Variants in CHCHD6 observed in about 807,000 individuals in gnomAD.
CHCHD6 encodes the protein coiled-coil-helix-coiled-coil-helix domain containing 6, also known as MICOS complex subunit MIC25.
CHCHD6 carries 28 observed loss-of-function variants against 32.3 expected under a neutral mutation model. The ratio of observed to expected loss-of-function variants is 0.87; its 90% confidence interval spans 0.64 to 1.19. The LOEUF is 1.19. Among genes scored for constraint, CHCHD6 ranks in the 50% most tolerant of loss-of-function variants. The pLI is 0.00. For missense variants in CHCHD6, 333 were observed against 307.0 expected (o/e 1.08, Z -0.63); for synonymous variants, 122 against 117.5 (o/e 1.04, Z -0.25).
chr3:126,865,577 C>T (rs1246213289), intron 5 of CHCHD6: 1 of 985,240 alleles, frequency 1.0e-6, no homozygotes, highest in Non-Finnish European at 1.2e-6. Flanking sequence ...TCTGCTTCTC[C>T]CTCTTCCTCT....
chr3:126,728,052 G>C (rs965668591), intron 2 of CHCHD6, among the ~76,000 whole-genome samples: 7 of 151,986 alleles, frequency 4.6e-5, no homozygotes, highest in Admixed American at 3.3e-4. Flanking sequence ...CCACCCACTA[G>C]ATTGTTCTTC....
chr3:126,885,708 TG>T (rs1284770504), intron 5 of CHCHD6, among the ~76,000 whole-genome samples: 1 of 152,226 alleles, frequency 6.6e-6, no homozygotes, highest in Non-Finnish European at 1.5e-5. Flanking sequence ...CAACAGCTTC[TG>T]AAGATTCTCT....
At chr3:126,904,193 T>C (rs928762647) in intron 5 of CHCHD6, among the ~76,000 whole-genome samples, 4 of 152,176 alleles carry the variant, frequency 2.6e-5, no homozygotes, top group Admixed American at 6.5e-5. Context: ...AGAGCTGCCT[T>C]TCACCCCTGG....
At position 126,957,411 on chromosome 3, in the gene CHCHD6, T is replaced by C; in HGVS notation, c.567-5T>C. The stretch of plus-strand genomic sequence containing the variant: ...CCCAGGCCTGCCTGCTCTTGTCTTC[T>C]GCAGGCCCCGCAGGGTGGAGCCCGT... On this transcript the variant is annotated splice_region_variant and splice_polypyrimidine_tract_variant and intron_variant, in intron 6 of 7. Coordinates refer to ENST00000290913, the MANE Select transcript of CHCHD6 (RefSeq NM_032343.3). 1 of 1,609,856 alleles carries C rather than the reference T, an allele frequency of 6.2e-7. No individual in the cohort carries two copies. The highest frequency in any genetic ancestry group is 1.1e-5 in the South Asian group (1 of 90,122).
chr3:126,898,159 G>A (rs965703103), intron 5 of CHCHD6, among the ~76,000 whole-genome samples: 1 of 152,264 alleles, frequency 6.6e-6, no homozygotes, highest in Admixed American at 6.5e-5. Flanking sequence ...CCTGCCGCCA[G>A]CCCGGCTCGC....
chr3:126,704,364 G>A lies in CHCHD6; in HGVS notation c.52G>A (p.Glu18Lys). 1 of 1,586,428 alleles carries A rather than the reference G, an allele frequency of 6.3e-7. No individual in the cohort carries two copies. Among genetic ancestry groups the A allele is most frequent in the Non-Finnish European group, 8.6e-7 (1 of 1,167,682 alleles). ...CCGCAGGGTGTCCTTCGGAGTGGAC[G>A]AGGAGGAGCGGGTCCGGGTGCTGCA... ...EGRRVSFGVD[E>K]EERVRVLQGV... Residue 18 changes from glutamate to lysine, a missense_variant, in exon 1 of 8, where the codon GAG becomes AAG. Transcript: ENST00000290913.
At chr3:126,938,317 C>T (rs990717410) in intron 6 of CHCHD6, among the ~76,000 whole-genome samples, 1 of 152,170 alleles carries the variant, frequency 6.6e-6, no homozygotes, top group Non-Finnish European at 1.5e-5. Flanking sequence ...ACCCACTGTG[C>T]GTTCGTTCTG....
At chr3:126,817,277 G>A (rs1447557575) in intron 4 of CHCHD6, among the ~76,000 whole-genome samples, 2 of 150,962 alleles carry the variant, frequency 1.3e-5, no homozygotes, top group African/African-American at 4.9e-5. Flanking sequence ...GAGGAGTGCA[G>A]TTTTGTTGTT....
intron 6 of CHCHD6, among the ~76,000 whole-genome samples, chr3:126,953,685 T>C (rs1038453576): frequency 2.6e-5 from 4 of 152,196 alleles, no homozygotes; most frequent in Non-Finnish European, 5.9e-5. Flanking sequence ...GGCATTGTCT[T>C]TGATGCCTGT....
At chr3:126,943,120 G>A (rs1344375866) in intron 6 of CHCHD6, among the ~76,000 whole-genome samples, 2 of 152,042 alleles carry the variant, frequency 1.3e-5, no homozygotes, top group African/African-American at 2.4e-5. Flanking sequence ...CATGCCAGCC[G>A]CCTTTTCAGC....
chr3:126,806,054 G>T (rs1939360173), intron 4 of CHCHD6, among the ~76,000 whole-genome samples: 1 of 152,204 alleles, frequency 6.6e-6, no homozygotes, highest in Non-Finnish European at 1.5e-5. Flanking sequence ...ATTAATTCAA[G>T]ATGGATTAAA....
At chr3:126,791,306 G>C (rs573056642) in intron 4 of CHCHD6, among the ~76,000 whole-genome samples, 9 of 152,248 alleles carry the variant, frequency 5.9e-5, no homozygotes, top group Non-Finnish European at 8.8e-5. Context: ...TCCATTCTCA[G>C]ATCTCAGACT....
At chr3:126,794,409 A>G (rs1411092119) in intron 4 of CHCHD6, among the ~76,000 whole-genome samples, 1 of 147,990 alleles carries the variant, frequency 6.8e-6, no homozygotes, top group Non-Finnish European at 1.5e-5. Context: ...TTAAAAGTAT[A>G]GTTTGTATAT....
At chr3:126,809,592 T>A (rs1939568285) in intron 4 of CHCHD6, among the ~76,000 whole-genome samples, 1 of 152,246 alleles carries the variant, frequency 6.6e-6, no homozygotes, top group Admixed American at 6.5e-5. Context: ...GTGTCCGCTC[T>A]TGTGCTGCTG....
intron 5 of CHCHD6, among the ~76,000 whole-genome samples, chr3:126,860,487 C>T (rs1941821379): frequency 6.6e-6 from 1 of 152,040 alleles, no homozygotes; most frequent in South Asian, 2.1e-4. Flanking sequence ...AGGAGATATA[C>T]CTAACGTAAA....
chr3:126,833,784 G>A (rs898647777), intron 4 of CHCHD6, among the ~76,000 whole-genome samples: 2 of 152,100 alleles, frequency 1.3e-5, no homozygotes, highest in African/African-American at 2.4e-5. Flanking sequence ...GGCCGGGCGC[G>A]GTGGCTCACG....
At chr3:126,898,097 C>T (rs1046541386) in intron 5 of CHCHD6, among the ~76,000 whole-genome samples, 3 of 152,218 alleles carry the variant, frequency 2.0e-5, no homozygotes, top group African/African-American at 7.2e-5. Context: ...CAGGCTTGGG[C>T]AGCTGTGGGT....
intron 3 of CHCHD6, among the ~76,000 whole-genome samples, chr3:126,731,982 G>A (rs7641384): frequency 0.016 from 2,424 of 151,706 alleles, 58 homozygotes; most frequent in African/African-American, 0.053. Context: ...AAGAGGCTGA[G>A]GTGGGAGGAT....
At chr3:126,735,940 A>C (rs1202686192) in intron 4 of CHCHD6, among the ~76,000 whole-genome samples, 1 of 152,204 alleles carries the variant, frequency 6.6e-6, no homozygotes, top group Non-Finnish European at 1.5e-5. Context: ...AACCATATTC[A>C]ATACTCAGTA....
Sources: gnomAD v4.1 joint callset for allele counts (sites outside exome capture counted in the v4.1 genomes callset) on GRCh38, gnomAD v4.1.1 for gene constraint, MANE v1.5 for transcripts, NCBI Gene and HGNC (gene_info 2026-07-23, HGNC 2026-07-21) for gene names.